SAXO1: variants seen among roughly 807,000 people sequenced by gnomAD.
SAXO1 encodes 4930500O09Rik.
In SAXO1, 21 loss-of-function variants were observed where a neutral mutation model predicts 17.5. That is an observed-to-expected ratio of 1.20 (90% CI 0.85 to 1.72). The LOEUF is 1.72. Ranked by LOEUF, SAXO1 falls within the 40% of genes most tolerant of loss-of-function variation. SAXO1 has a pLI of 0.00. For missense variants in SAXO1, 843 were observed against 596.0 expected (o/e 1.41, Z -4.32); for synonymous variants, 274 against 216.5 (o/e 1.27, Z -2.33).
chr9:18,977,546 A>T (rs1013149861), intron 1 of SAXO1, among the ~76,000 whole-genome samples: 5 of 152,144 alleles, frequency 3.3e-5, no homozygotes, highest in African/African-American at 9.7e-5. Flanking sequence ...ATTTAAACTA[A>T]GTGTTTCTGA....
At chr9:18,938,355 C>T (rs1014885418) in intron 3 of SAXO1, among the ~76,000 whole-genome samples, 5 of 152,038 alleles carry the variant, frequency 3.3e-5, no homozygotes, top group African/African-American at 1.2e-4. Context: ...AGCATGGTAG[C>T]ATCTGTTTCT....
At chr9:19,012,274 T>TAC (rs1834777897) in intron 1 of SAXO1, among the ~76,000 whole-genome samples, 1 of 152,262 alleles carries the variant, frequency 6.6e-6, no homozygotes, top group Admixed American at 6.5e-5. Flanking sequence ...CTCTCATCTA[T>TAC]ACCACTTACC....
intron 1 of SAXO1, among the ~76,000 whole-genome samples, chr9:18,976,346 G>A (rs1392030487): frequency 6.6e-6 from 1 of 152,172 alleles, no homozygotes; most frequent in Non-Finnish European, 1.5e-5. Flanking sequence ...GAAAATAGCA[G>A]AAAGATCAGG....
intron 1 of SAXO1, among the ~76,000 whole-genome samples, chr9:18,962,945 G>A (rs2131764775): frequency 6.6e-6 from 1 of 152,270 alleles, no homozygotes; most frequent in African/African-American, 2.4e-5. Context: ...TTACGCTTAG[G>A]TCTTTAATCC....
chr9:19,032,565 C>T (rs1253098666), intron 1 of SAXO1, among the ~76,000 whole-genome samples: 1 of 152,194 alleles, frequency 6.6e-6, no homozygotes, highest in Non-Finnish European at 1.5e-5. Flanking sequence ...AGGTGTTCTC[C>T]CTCCTTGGCT....
intron 1 of SAXO1, among the ~76,000 whole-genome samples, chr9:19,023,873 A>G (rs1321056417): frequency 6.6e-6 from 1 of 152,064 alleles, no homozygotes; most frequent in African/African-American, 2.4e-5. Context: ...GGCCAGGCAC[A>G]GTAGCTCCTC....
chr9:18,939,650 A>G (rs1226870932), intron 3 of SAXO1, among the ~76,000 whole-genome samples: 1 of 152,232 alleles, frequency 6.6e-6, no homozygotes, highest in East Asian at 1.9e-4. Context: ...AGGGACCTGA[A>G]AGAAGGCCCT....
intron 1 of SAXO1, among the ~76,000 whole-genome samples, chr9:18,967,789 G>T (rs936879856): frequency 2.1e-5 from 3 of 140,750 alleles, no homozygotes; most frequent in Non-Finnish European, 4.4e-5. Context: ...CACCATTGGG[G>T]TATGAAAAAA....
intron 1 of SAXO1, chr9:19,027,781 G>A: frequency 6.6e-7 from 1 of 1,509,224 alleles, no homozygotes; most frequent in Non-Finnish European, 9.1e-7. Context: ...TTCTGAACCA[G>A]CTGGATGGCT....
chr9:18,970,839 G>A (rs544886444), intron 1 of SAXO1, among the ~76,000 whole-genome samples: 1 of 152,326 alleles, frequency 6.6e-6, no homozygotes, highest in South Asian at 2.1e-4. Flanking sequence ...TTGCTAAGCA[G>A]CTTCCTAGGC....
Position 18,928,315 on chromosome 9 carries a change from T to C in SAXO1, c.1162A>G (p.Ser388Gly). Reference sequence around the variant, plus strand: ...GGGCCAGACCAATGAGGCTTACAGCTTTTGGTATTGATAGGCAGGTGGGGC... The same window carrying C: ...GGGCCAGACCAATGAGGCTTACAGCCTTTGGTATTGATAGGCAGGTGGGGC... ...YVPHLPINTK[S>G]CKPHWSGPRG... Residue 388 changes from serine to glycine, a missense_variant, in exon 4 of 4, where the codon AGC becomes GGC. Physicochemically the swap from Ser to Gly is moderately conservative, Grantham distance 56. Coordinates refer to ENST00000380534, the MANE Select transcript of SAXO1 (RefSeq NM_153707.4). 1 of 1,613,426 alleles carries C rather than the reference T, an allele frequency of 6.2e-7. No homozygotes were observed. The highest frequency in any genetic ancestry group is 8.5e-7 in the Non-Finnish European group (1 of 1,179,612).
At chr9:18,995,309 G>A (rs764320996) in intron 1 of SAXO1, among the ~76,000 whole-genome samples, 25 of 152,268 alleles carry the variant, frequency 1.6e-4, no homozygotes, top group Non-Finnish European at 2.5e-4. Flanking sequence ...GCTGAAGCTG[G>A]CATCAGCCAG....
chr9:18,970,881 G>C (rs1044103804), intron 1 of SAXO1, among the ~76,000 whole-genome samples: 4 of 152,136 alleles, frequency 2.6e-5, no homozygotes, highest in Non-Finnish European at 5.9e-5. Flanking sequence ...CCATTGCCTT[G>C]AGCCCCAAAA....
chr9:18,969,303 G>A (rs1011691170), intron 1 of SAXO1, among the ~76,000 whole-genome samples: 2 of 152,082 alleles, frequency 1.3e-5, no homozygotes, highest in Admixed American at 6.6e-5. Context: ...TTCCCACATG[G>A]CCTTTTAGTG....
intron 1 of SAXO1, among the ~76,000 whole-genome samples, chr9:18,987,848 G>T (rs1028623907): frequency 6.6e-6 from 1 of 150,432 alleles, no homozygotes; most frequent in Admixed American, 6.7e-5. Flanking sequence ...AGTGAGCAGA[G>T]ATGGCACCAC....
intron 1 of SAXO1, among the ~76,000 whole-genome samples, chr9:18,998,045 C>A (rs959028160): frequency 1.3e-5 from 2 of 152,056 alleles, no homozygotes; most frequent in African/African-American, 4.8e-5. Flanking sequence ...TTCCAAAAAC[C>A]AGAATGCCCT....
intron 1 of SAXO1, among the ~76,000 whole-genome samples, chr9:18,994,495 G>A (rs1833929980): frequency 6.6e-6 from 1 of 152,184 alleles, no homozygotes; most frequent in South Asian, 2.1e-4. Flanking sequence ...AATAAAAGCA[G>A]TCACGCTGCA....
intron 1 of SAXO1, among the ~76,000 whole-genome samples, chr9:18,985,494 C>T (rs1249152149): frequency 6.6e-6 from 1 of 152,144 alleles, no homozygotes; most frequent in African/African-American, 2.4e-5. Flanking sequence ...TCAGAGCTGG[C>T]TAGGTTGTAC....
In SAXO1 at chr9:18,944,412, T is replaced by C. The variant is rs1008068807; in HGVS notation, c.219-2573A>G. 5.3e-5 allele frequency among the ~76,000 whole-genome samples: 8 copies of C among 152,232 alleles called. No individual in the cohort carries two copies. In the East Asian group the frequency reaches 5.8e-4, roughly 11 times the overall value. On this transcript the variant is annotated intron_variant, in intron 2 of 3. Coordinates refer to ENST00000380534, the MANE Select transcript of SAXO1 (RefSeq NM_153707.4). ...GCATGTCCCCAATCACACATAATCT[T>C]ACAGCCTTTAAATTCACGTAAAAGA...
Sources: gnomAD v4.1 joint callset for allele counts (sites outside exome capture counted in the v4.1 genomes callset) on GRCh38, gnomAD v4.1.1 for gene constraint, MANE v1.5 for transcripts, NCBI Gene and HGNC (gene_info 2026-07-23, HGNC 2026-07-21) for gene names.